TFB2M: variants seen among roughly 807,000 people sequenced by gnomAD.
The protein encoded by TFB2M is transcription factor B2, mitochondrial.
TFB2M carries 44 observed loss-of-function variants against 41.3 expected under a neutral mutation model. That is an observed-to-expected ratio of 1.07 (90% CI 0.84 to 1.37). The LOEUF (loss-of-function observed/expected upper bound fraction) is 1.37. Among genes scored for constraint, TFB2M ranks in the 40% most tolerant of loss-of-function variants. The pLI is 0.00. For synonymous variants in TFB2M, 188 were observed against 176.8 expected (o/e 1.06, Z -0.50); for missense variants, 496 against 490.2 (o/e 1.01, Z -0.11).
chr1:246,545,285 C>A (rs552197834), intron 6 of TFB2M, among the ~76,000 whole-genome samples: 95 of 152,014 alleles, frequency 6.2e-4, no homozygotes, highest in Non-Finnish European at 1.2e-3. Flanking sequence ...GATCCCAGCA[C>A]TTTGGGAGGC....
chr1:246,546,657 A>C lies in TFB2M; in HGVS notation c.858+1888T>G, dbSNP rs541349950. Among the ~76,000 whole-genome samples, 4 of 151,834 alleles carry C rather than the reference A, an allele frequency of 2.6e-5. No individual in the cohort carries two copies. In the East Asian group the frequency reaches 7.7e-4, roughly 29 times the overall value. On this transcript the variant is annotated intron_variant, in intron 6 of 7. Transcript: ENST00000366514. The stretch of plus-strand genomic sequence containing the variant: ...AAAATAAAAAAAGGAAAAAAAAAAA[A>C]ACCCAAACATGGCATTAACATATAT...
intron 3 of TFB2M, among the ~76,000 whole-genome samples, chr1:246,557,034 G>A (rs1446205006): frequency 4.6e-5 from 7 of 152,240 alleles, no homozygotes; most frequent in African/African-American, 7.2e-5. Context: ...AGCACTTTGG[G>A]AGGTCGAAGC....
intron 5 of TFB2M, among the ~76,000 whole-genome samples, chr1:246,549,960 G>C (rs1380794972): frequency 6.6e-6 from 1 of 152,166 alleles, no homozygotes; most frequent in Non-Finnish European, 1.5e-5. Context: ...AAACCTGCAA[G>C]ACACTGGGAA....
intron 5 of TFB2M, 68 bp downstream of exon 5, chr1:246,551,145 A>G: frequency 2.4e-6 from 3 of 1,257,590 alleles, no homozygotes; most frequent in South Asian, 2.4e-5. Context: ...ACTGCACTCC[A>G]GCCTGGGCAA....
At chr1:246,559,367 G>T (rs909545184) in intron 2 of TFB2M, among the ~76,000 whole-genome samples, 4 of 152,112 alleles carry the variant, frequency 2.6e-5, no homozygotes, top group African/African-American at 9.7e-5. Context: ...CGGCCAACAT[G>T]GTGAAACCCT....
intron 1 of TFB2M, among the ~76,000 whole-genome samples, chr1:246,565,223 C>A (rs1343159542): frequency 6.6e-6 from 1 of 152,224 alleles, no homozygotes; most frequent in Non-Finnish European, 1.5e-5. Context: ...AGGGAATGCA[C>A]GGAAGAATAA....
chr1:246,556,431 G>T, intron 4 of TFB2M, 142 bp downstream of exon 4: 1 of 609,056 alleles, frequency 1.6e-6, no homozygotes, highest in Non-Finnish European at 2.6e-6. Context: ...AGCAACCTGA[G>T]CATAAGACTG....
chr1:246,553,437 A>C (rs531934537), intron 4 of TFB2M, among the ~76,000 whole-genome samples: 7 of 152,220 alleles, frequency 4.6e-5, no homozygotes, highest in Non-Finnish European at 1.0e-4. Flanking sequence ...CAGGAGACTG[A>C]GGTAGAAGGA....
At chr1:246,552,861 C>T (rs1659223875) in intron 4 of TFB2M, among the ~76,000 whole-genome samples, 1 of 152,000 alleles carries the variant, frequency 6.6e-6, no homozygotes. Context: ...ATCACTTAAG[C>T]CCAGGTGTTT....
At chr1:246,564,325 G>C (rs753555543) in intron 2 of TFB2M, 21 bp downstream of exon 2, 1 of 1,606,698 alleles carries the variant, frequency 6.2e-7, no homozygotes, top group Non-Finnish European at 8.5e-7. Flanking sequence ...AATAACATAC[G>C]TTGAGAAACT....
intron 6 of TFB2M, among the ~76,000 whole-genome samples, chr1:246,545,812 GA>G (rs869274564): frequency 0.092 from 4,825 of 52,684 alleles, 523 homozygotes; most frequent in African/African-American, 0.27. Context: ...ACCCTGATTC[GA>G]AAAAAAAAAA....
At chr1:246,549,252 T>G (rs1338476177) in intron 5 of TFB2M, among the ~76,000 whole-genome samples, 6 of 151,798 alleles carry the variant, frequency 4.0e-5, no homozygotes, top group African/African-American at 1.5e-4. Context: ...TCGGTATCTA[T>G]CTTTTGTAAG....
intron 7 of TFB2M, among the ~76,000 whole-genome samples, chr1:246,543,464 T>C (rs1475174130): frequency 2.0e-5 from 3 of 152,186 alleles, no homozygotes; most frequent in Non-Finnish European, 4.4e-5. Flanking sequence ...GCATCATCCC[T>C]ACATACAAAT....
intron 2 of TFB2M, among the ~76,000 whole-genome samples, chr1:246,561,346 A>G (rs1659450459): frequency 6.6e-6 from 1 of 152,240 alleles, no homozygotes; most frequent in South Asian, 2.1e-4. Context: ...GCTGACATTT[A>G]TAGCTTCAGA....
Position 246,556,597 on chromosome 1 carries a change from C to G in TFB2M, c.681G>C (p.Met227Ile), listed in dbSNP as rs749361541. 6.6e-7 allele frequency: 1 copy of G among 1,525,922 alleles called. No individual in the cohort carries two copies. Among genetic ancestry groups the G allele is most frequent in the Non-Finnish European group, 8.8e-7 (1 of 1,137,208 alleles). The allele number at this position is 1,525,922 out of a possible 1,614,324, so 94.5% of individuals were successfully genotyped here. ...IYKFGRIEVN[M>I]FIGEKEFQKL... is the part of the protein sequence containing the mutation. The stretch of plus-strand genomic sequence containing the variant: ...CCTGGAATTCTTTTTCACCAATAAA[C>G]ATATTTACTTCTATTCGTCCAAATT... Residue 227 changes from methionine to isoleucine, a missense_variant, in exon 4 of 8, where the codon ATG becomes ATC. Met to Ile is a conservative substitution (Grantham distance 10). Transcript: ENST00000366514.
In TFB2M at chr1:246,551,255, A is replaced by G; in HGVS notation, c.753T>C (p.Ser251=). ...TCTCACAAGCTAATTGCCAGATAAC[A>G]CTTAATACATGATACAAGTCTGGAT... ...PGNPDLYHVL[S]VIWQLACEIK... Residue 251 remains serine (S), a synonymous_variant, in exon 5 of 8, where the codon AGT becomes AGC. Transcript: ENST00000366514. 2 of 1,613,996 alleles carry G rather than the reference A, an allele frequency of 1.2e-6. No homozygotes were observed. The highest frequency in any genetic ancestry group is 1.7e-6 in the Non-Finnish European group (2 of 1,179,856).
At chr1:246,547,433 C>T (rs3120704) in intron 6 of TFB2M, among the ~76,000 whole-genome samples, 93,840 of 152,012 alleles carry the variant, frequency 0.62, 30,976 homozygotes, top group Middle Eastern at 0.78. Flanking sequence ...AGACAAAATG[C>T]ATTATTCCTA....
chr1:246,560,031 T>C (rs1169345699), intron 2 of TFB2M, among the ~76,000 whole-genome samples: 3 of 152,176 alleles, frequency 2.0e-5, no homozygotes, highest in Non-Finnish European at 2.9e-5. Context: ...CCAGGACGGC[T>C]TTGAATGTGG....
rs148471377 is a variant in TFB2M at position 246,550,489 on chromosome 1, T to TA, written c.795+723dup. On this transcript the variant is annotated intron_variant, in intron 5 of 7. Coordinates refer to ENST00000366514, the MANE Select transcript of TFB2M (RefSeq NM_022366.3). ...TCAAATGAGATAACATTCCTGAGCT[T>TA]AAAAAAAAAATACAGCAAGGTGCAG... Among the ~76,000 whole-genome samples the TA allele has an allele frequency of 3.5e-4, 53 of 150,576 alleles. 1 individual carries two copies. Among genetic ancestry groups the TA allele is most frequent in the African/African-American group, 7.8e-4 (32 of 40,994 alleles).
Sources: allele counts gnomAD v4.1 joint callset (sites outside exome capture counted in the v4.1 genomes callset), GRCh38; gene constraint gnomAD v4.1.1; transcripts MANE v1.5; gene names NCBI Gene and HGNC (gene_info 2026-07-23, HGNC 2026-07-21).